TENM2: variants seen among roughly 807,000 people sequenced by gnomAD.
The protein encoded by TENM2 is teneurin-2.
TENM2 carries 52 observed loss-of-function variants against 245.2 expected under a neutral mutation model. That is an observed-to-expected ratio of 0.21 (90% CI 0.17 to 0.27). TENM2 has a LOEUF of 0.27. Among genes scored for constraint, TENM2 ranks in the 10% least tolerant of loss-of-function variants. TENM2 has a pLI of 1.00. For missense variants in TENM2, 3,046 were observed against 3,666.8 expected, an observed-to-expected ratio of 0.83 and a Z score of 4.37; for synonymous variants, 1,363 against 1,438.9, an observed-to-expected ratio of 0.95 and a Z score of 1.19.
At chr5:168,254,708 G>A (rs921737314) in intron 27 of TENM2, among the ~76,000 whole-genome samples, 1 of 152,054 alleles carries the variant, frequency 6.6e-6, no homozygotes, top group Non-Finnish European at 1.5e-5. Flanking sequence ...GGGAGAGAGA[G>A]ATCCCTGGAG....
chr5:167,277,959 T>TTTTTG, the TENM2 span, among the ~76,000 whole-genome samples: 13,363 of 151,950 alleles, frequency 0.088, 764 homozygotes, highest in East Asian at 0.18. Context: ...GCATGATACC[T>TTTTTG]TTTTGTTTTG....
At chr5:167,640,969 GA>G (rs778329973) in intron 2 of TENM2, among the ~76,000 whole-genome samples, 179 of 138,984 alleles carry the variant, frequency 1.3e-3, no homozygotes, top group Non-Finnish European at 2.1e-3. Flanking sequence ...ACCACCACCT[GA>G]AAACTTGTCA....
the TENM2 span, among the ~76,000 whole-genome samples, chr5:167,062,322 C>T: frequency 6.6e-6 from 1 of 151,786 alleles, no homozygotes; most frequent in East Asian, 1.9e-4. Context: ...CTGGCTGAGA[C>T]GTGGGTTAAA....
At chr5:167,527,595 G>A (rs2127589728) in intron 2 of TENM2, among the ~76,000 whole-genome samples, 1 of 152,190 alleles carries the variant, frequency 6.6e-6, no homozygotes, top group South Asian at 2.1e-4. Flanking sequence ...AGCATTTCTT[G>A]ACCTCAGTGT....
the TENM2 span, among the ~76,000 whole-genome samples, chr5:167,028,553 T>C: frequency 1.3e-5 from 2 of 152,098 alleles, no homozygotes; most frequent in Non-Finnish European, 1.5e-5. Context: ...TTTACCAAAT[T>C]TCTTTTGTGA....
At chr5:167,861,969 A>G (rs1173612532) in intron 2 of TENM2, among the ~76,000 whole-genome samples, 4 of 152,202 alleles carry the variant, frequency 2.6e-5, no homozygotes, top group Non-Finnish European at 5.9e-5. Flanking sequence ...TGCATAATAT[A>G]TTTCTCTGTG....
intron 1 of TENM2, 95 bp from the exon 4 acceptor site, chr5:167,375,103 G>A: frequency 1.5e-6 from 2 of 1,301,020 alleles, no homozygotes; most frequent in Non-Finnish European, 2.1e-6. Context: ...GTATCTGTCA[G>A]ATGGGAAAAG....
At position 167,642,532 on chromosome 5, in the gene TENM2, T is replaced by TAC. The variant is rs145159723; in HGVS notation, c.503-233443_503-233442dup. Among the ~76,000 whole-genome samples the TAC allele has an allele frequency of 2.6e-5, 4 of 152,250 alleles. No individual in the cohort carries two copies. In the East Asian group the frequency reaches 5.8e-4, roughly 22 times the overall value. The stretch of plus-strand genomic sequence containing the variant: ...ACAAACATATACATTTGTTTTTTTA[T>TAC]ACACACACACACTCATGCGCACTAA... On this transcript the variant is annotated intron_variant, in intron 2 of 28. Transcript: ENST00000518659.
intron 2 of TENM2, among the ~76,000 whole-genome samples, chr5:167,500,112 A>G (rs1562005832): frequency 6.6e-6 from 1 of 151,400 alleles, no homozygotes; most frequent in African/African-American, 2.4e-5. Flanking sequence ...GTGTAAATAT[A>G]TGAATGCCTG....
chr5:168,153,089 A>G (rs1270676245), intron 12 of TENM2, among the ~76,000 whole-genome samples: 2 of 152,186 alleles, frequency 1.3e-5, no homozygotes, highest in Non-Finnish European at 2.9e-5. Flanking sequence ...TAGGGTGGGA[A>G]TTAGGAAAAC....
At chr5:167,777,710 ATATGT>A (rs1317274546) in intron 2 of TENM2, among the ~76,000 whole-genome samples, 2 of 152,234 alleles carry the variant, frequency 1.3e-5, no homozygotes, top group African/African-American at 2.4e-5. Context: ...AGAGCATGTG[ATATGT>A]TAAGTGCTTA....
At chr5:167,997,053 T>G (rs1190067849) in intron 5 of TENM2, among the ~76,000 whole-genome samples, 9 of 152,154 alleles carry the variant, frequency 5.9e-5, no homozygotes, top group Admixed American at 5.2e-4. Flanking sequence ...TGAAGCACTT[T>G]TATACAACTA....
the TENM2 span, among the ~76,000 whole-genome samples, chr5:167,127,073 C>T: frequency 6.6e-6 from 1 of 151,604 alleles, no homozygotes; most frequent in Non-Finnish European, 1.5e-5. Flanking sequence ...AGGCTTCTCA[C>T]ACAGGGTCAC....
chr5:167,209,545 C>T, the TENM2 span, among the ~76,000 whole-genome samples: 1 of 152,160 alleles, frequency 6.6e-6, no homozygotes, highest in African/African-American at 2.4e-5. Flanking sequence ...TGAGCCACCA[C>T]ACCTGGAAAT....
intron 2 of TENM2, among the ~76,000 whole-genome samples, chr5:167,655,650 A>G (rs1437421769): frequency 2.0e-5 from 3 of 152,216 alleles, no homozygotes; most frequent in Non-Finnish European, 4.4e-5. Flanking sequence ...CTTCAAAAAT[A>G]TTCATAGATG....
chr5:167,234,670 C>G, the TENM2 span, among the ~76,000 whole-genome samples: 1 of 152,134 alleles, frequency 6.6e-6, no homozygotes, highest in Non-Finnish European at 1.5e-5. Flanking sequence ...ATATTTGGCA[C>G]AAGCAGGTCT....
intron 4 of TENM2, among the ~76,000 whole-genome samples, chr5:167,984,321 T>A (rs1783067604): frequency 6.6e-6 from 1 of 152,232 alleles, no homozygotes; most frequent in Admixed American, 6.5e-5. Context: ...TGTTTACCAG[T>A]CTATCTCTAA....
intron 2 of TENM2, among the ~76,000 whole-genome samples, chr5:167,462,785 G>T (rs1311100831): frequency 6.6e-6 from 1 of 151,872 alleles, no homozygotes; most frequent in Non-Finnish European, 1.5e-5. Flanking sequence ...CGCGTAGAGG[G>T]CCAAAAGGCA....
chr5:167,437,777 A>G (rs1306255058), intron 2 of TENM2, among the ~76,000 whole-genome samples: 1 of 152,062 alleles, frequency 6.6e-6, no homozygotes, highest in Non-Finnish European at 1.5e-5. Flanking sequence ...GGACAAACCC[A>G]TTTCTCTTGA....
Sources: gnomAD v4.1 joint callset for allele counts (sites outside exome capture counted in the v4.1 genomes callset) on GRCh38, gnomAD v4.1.1 for gene constraint, MANE v1.5 for transcripts, NCBI Gene and HGNC (gene_info 2026-07-23, HGNC 2026-07-21) for gene names.